Variants in WSCD1 observed in about 807,000 individuals in gnomAD.
WSCD1 encodes the protein sialate:O-sulfotransferase 1.
WSCD1 carries 41 observed loss-of-function variants against 60.4 expected under a neutral mutation model. That is an observed-to-expected ratio of 0.68 (90% CI 0.53 to 0.88). WSCD1 has a LOEUF of 0.88. WSCD1 is among the 40% of genes least tolerant of loss of function. The pLI is 0.00. For missense variants in WSCD1, 784 were observed against 796.2 expected, an observed-to-expected ratio of 0.98 and a Z score of 0.18; for synonymous variants, 361 against 332.5, an observed-to-expected ratio of 1.09 and a Z score of -0.93.
chr17:6,088,580 G>A (rs1352628685), intron 3 of WSCD1, among the ~76,000 whole-genome samples: 1 of 152,152 alleles, frequency 6.6e-6, no homozygotes, highest in African/African-American at 2.4e-5. Flanking sequence ...CTATAACAAG[G>A]TTTACTTTTT....
At position 6,080,951 on chromosome 17, in the gene WSCD1, GC is replaced by G; in HGVS notation, c.298del (p.Arg100AlafsTer22). On this transcript the variant is annotated frameshift_variant, in exon 2 of 9. Transcript: ENST00000317744. LOFTEE classifies it high-confidence loss of function. The surrounding 1 kb of genome is among the most constrained non-coding windows in gnomAD (Gnocchi z 6.6). ...LQSPLTRPRP[G>X]PRWLRSRNSE... ...AGCCCCCTGACCCGGCCCCGGCCCG[GC>G]CCCCGCTGGCTCCGGAGCCGCAACT... is the stretch of plus-strand genomic sequence containing the variant. 1 of 1,560,480 alleles carries G rather than the reference GC, an allele frequency of 6.4e-7. No individual in the cohort carries two copies. Among genetic ancestry groups the G allele is most frequent in the Non-Finnish European group, 8.6e-7 (1 of 1,156,972 alleles).
chr17:6,109,079 A>G (rs1425155143), intron 5 of WSCD1, among the ~76,000 whole-genome samples: 1 of 152,170 alleles, frequency 6.6e-6, no homozygotes. Flanking sequence ...ACCAGAGGGA[A>G]TCGAATCTCA....
At chr17:6,098,835 G>A (rs985118726) in intron 5 of WSCD1, among the ~76,000 whole-genome samples, 2 of 152,208 alleles carry the variant, frequency 1.3e-5, no homozygotes, top group African/African-American at 4.8e-5. Flanking sequence ...AGGGGCAGGT[G>A]ACTCTCACTG....
rs1485417842 is a variant in WSCD1 at position 6,120,918 on chromosome 17, C to A, written c.*257C>A. ...AGACACCACTCCAGGCTCATAGCCC[C>A]GTCTTGATGCAGAGAAGCCACCCAC... On this transcript the variant is annotated 3_prime_UTR_variant, in exon 9 of 9. Transcript: ENST00000317744. 3 of 518,730 alleles carry A rather than the reference C, an allele frequency of 5.8e-6. No homozygotes were observed. The highest frequency in any genetic ancestry group is 3.8e-5 in the African/African-American group (2 of 52,492). The allele number at this position is 518,730 out of a possible 1,614,324, so 32.1% of individuals were successfully genotyped here. A position where few individuals can be genotyped will look rare whatever the true frequency, so the allele number is the denominator to read the frequency against.
chr17:6,116,009 T>G (rs1190380733), intron 7 of WSCD1, among the ~76,000 whole-genome samples: 1 of 152,192 alleles, frequency 6.6e-6, no homozygotes, highest in Non-Finnish European at 1.5e-5. Context: ...GAATCACTTA[T>G]AACAATCTTG....
At chr17:6,094,551 A>AGAAG (rs137963695) in intron 4 of WSCD1, among the ~76,000 whole-genome samples, 71,001 of 147,932 alleles carry the variant, frequency 0.48, 17,424 homozygotes, top group African/African-American at 0.54. Context: ...GAAGGAAGAA[A>AGAAG]GAAGGAAGGA....
Position 6,120,587 on chromosome 17 carries a change from T to C in WSCD1, c.1654T>C (p.Tyr552His). The C allele has an allele frequency of 1.2e-6, 2 of 1,613,640 alleles. No individual in the cohort carries two copies. Among genetic ancestry groups the C allele is most frequent in the South Asian group, 1.1e-5 (1 of 91,084 alleles). The change falls in exon 9 of 9, where the codon TAC (tyrosine) becomes CAC (histidine). Residue 552 changes from tyrosine to histidine, a missense_variant. Coordinates refer to ENST00000317744, the MANE Select transcript of WSCD1 (RefSeq NM_015253.2). ...TPEMKDLING[Y>H]IRTVDQALRD... is the part of the protein sequence containing the mutation. ...GGAGATGAAAGACTTGATCAATGGC[T>C]ACATCCGGACGGTGGACCAAGCCCT...
At chr17:6,117,549 G>A (rs530528616) in intron 7 of WSCD1, among the ~76,000 whole-genome samples, 1 of 152,354 alleles carries the variant, frequency 6.6e-6, no homozygotes, top group East Asian at 1.9e-4. Context: ...GTGTGATCTT[G>A]GGCAAGTCCC....
At chr17:6,092,309 GGGGTCACAGTGCCCAGAA>G (rs1320706175) in intron 4 of WSCD1, among the ~76,000 whole-genome samples, 2 of 152,138 alleles carry the variant, frequency 1.3e-5, no homozygotes, top group Admixed American at 1.3e-4. Flanking sequence ...AACTGTCTGT[GGGGTCACAGTGCCCAGAA>G]GAGCTGCTCC....
chr17:6,082,952 T>C (rs992048631), intron 2 of WSCD1, among the ~76,000 whole-genome samples: 6 of 152,176 alleles, frequency 3.9e-5, no homozygotes, highest in Non-Finnish European at 8.8e-5. Context: ...TTCATGTCGC[T>C]GTGGAAGGAA....
intron 2 of WSCD1, chr17:6,084,646 G>T (rs1483057121): frequency 6.6e-6 from 1 of 152,240 alleles, no homozygotes; most frequent in Non-Finnish European, 1.5e-5. Flanking sequence ...TAGCCAGTTT[G>T]TTTTTTATTG....
chr17:6,074,760 C>G (rs1908743441), intron 1 of WSCD1, among the ~76,000 whole-genome samples: 2 of 152,248 alleles, frequency 1.3e-5, no homozygotes, highest in Admixed American at 1.3e-4. Flanking sequence ...TGACGCCTCT[C>G]TCGCTAACCA....
intron 5 of WSCD1, among the ~76,000 whole-genome samples, chr17:6,097,411 A>G (rs925397349): frequency 5.9e-5 from 9 of 152,150 alleles, no homozygotes; most frequent in Admixed American, 5.2e-4. Context: ...ACTTCCAGAG[A>G]GACTGAATAT....
At chr17:6,098,606 G>C (rs1910601772) in intron 5 of WSCD1, among the ~76,000 whole-genome samples, 1 of 152,216 alleles carries the variant, frequency 6.6e-6, no homozygotes, top group Non-Finnish European at 1.5e-5. Context: ...CACAACACTG[G>C]AGCCAGTGCT....
chr17:6,110,415 G>C lies in WSCD1; in HGVS notation c.1010-356G>C, dbSNP rs1036683397. Reference sequence around the variant, plus strand: ...TGGGTGTGTTACTTTGCTCAGCCTAGCCTCAATCCCCACCCACTTCCCCTA... The same window carrying C: ...TGGGTGTGTTACTTTGCTCAGCCTACCCTCAATCCCCACCCACTTCCCCTA... On this transcript the variant is annotated intron_variant, in intron 6 of 8. Transcript: ENST00000317744. This position sits in a 1 kb window ranked among gnomAD's most constrained non-coding sequence, Gnocchi z 4.8. Among the ~76,000 whole-genome samples, 7 of 152,148 alleles carry C rather than the reference G, an allele frequency of 4.6e-5. No individual in the cohort carries two copies. In the East Asian group the frequency reaches 1.3e-3, roughly 29 times the overall value.
rs28620760 is a variant in WSCD1, at chr17:6,092,712, C to T, written c.727+2207C>T. Among the ~76,000 whole-genome samples the T allele has an allele frequency of 6.4e-3, 978 of 152,270 alleles. 10 individuals are homozygous for T. The highest frequency in any genetic ancestry group is 0.022 in the African/African-American group (928 of 41,556). Reference sequence around the variant, plus strand: ...ACCAATTCTATATATGGACTCCCGGCGGCCCTCCCAGCCCCATCTGCCTGC... The same window carrying T: ...ACCAATTCTATATATGGACTCCCGGTGGCCCTCCCAGCCCCATCTGCCTGC... On this transcript the variant is annotated intron_variant, in intron 4 of 8. Transcript: ENST00000317744.
Position 6,081,003 on chromosome 17 carries a change from C to T in WSCD1, c.345C>T (p.Arg115=), listed in dbSNP as rs755849348. Residue 115 remains arginine (R), a synonymous_variant, in exon 2 of 9, where the codon CGC becomes CGT. Coordinates refer to ENST00000317744, the MANE Select transcript of WSCD1 (RefSeq NM_015253.2). ...RNSELRQLRR[R]WFHHFMSDSQ... is the part of the protein sequence containing the mutation. ...CGGAGCTGCGTCAGTTGCGTCGCCG[C>T]TGGTTCCACCACTTCATGAGTGACT... 5.8e-6 allele frequency: 9 copies of T among 1,545,142 alleles called. No individual in the cohort carries two copies. The Admixed American group carries it at 1.4e-4, about 24-fold the overall frequency.
At chr17:6,112,900 C>G (rs561613020) in intron 7 of WSCD1, among the ~76,000 whole-genome samples, 5 of 152,220 alleles carry the variant, frequency 3.3e-5, no homozygotes, top group African/African-American at 1.2e-4. Flanking sequence ...AATACAATCC[C>G]TATCAAAATA....
intron 2 of WSCD1, among the ~76,000 whole-genome samples, chr17:6,082,529 T>C (rs1317353859): frequency 1.3e-5 from 2 of 152,170 alleles, no homozygotes; most frequent in African/African-American, 4.8e-5. Context: ...TGGAGCTGTT[T>C]ATGCTGAATT....
Sources: allele counts gnomAD v4.1 joint callset (sites outside exome capture counted in the v4.1 genomes callset), GRCh38; gene constraint gnomAD v4.1.1; non-coding constraint Gnocchi (gnomAD v3.1); transcripts MANE v1.5; gene names NCBI Gene and HGNC (gene_info 2026-07-23, HGNC 2026-07-21).